ERICH3: variants seen among roughly 807,000 people sequenced by gnomAD.
ERICH3 encodes glutamate rich 3, also known as glutamate-rich protein 3.
ERICH3 carries 126 observed loss-of-function variants against 131.1 expected under a neutral mutation model. The observed-to-expected ratio is 0.96, with a 90% CI of 0.83 to 1.11. The LOEUF is 1.11. ERICH3 is among the 50% of genes most tolerant of loss of function. ERICH3 has a pLI of 0.00. For synonymous variants in ERICH3, 695 were observed against 644.6 expected (o/e 1.08, Z -1.18); for missense variants, 2,050 against 1,810.7 (o/e 1.13, Z -2.40).
At chr1:74,589,563 A>G in intron 12 of ERICH3, 68 bp downstream of exon 12, 1 of 1,436,786 alleles carries the variant, frequency 7.0e-7, no homozygotes, top group Non-Finnish European at 9.6e-7. Flanking sequence ...GCTTTGGCAT[A>G]GTGCAATGAC....
At position 74,573,460 on chromosome 1, in the gene ERICH3, T is replaced by C. The variant is rs1164338229; in HGVS notation, c.2250A>G (p.Thr750=). ...ATTCCTTGTTTGAGTTGATTGCTGC[T>C]GTTTCATCCACCATGAAATTCATTG... ...APTMNFMVDE[T]AAINSNKESQ... Residue 750 remains threonine (T), a synonymous_variant, in exon 14 of 15, where the codon ACA becomes ACG. Transcript: ENST00000326665. 5 of 1,533,580 alleles carry C rather than the reference T, an allele frequency of 3.3e-6. No homozygotes were observed. In the African/African-American group the frequency reaches 5.6e-5, roughly 17 times the overall value. The allele number at this position is 1,533,580 out of a possible 1,614,324, so 95.0% of individuals were successfully genotyped here.
chr1:74,672,675 A>G lies in ERICH3; in HGVS notation c.23+822T>C, dbSNP rs114779475. ...ATTTAATTGCAAGATTGACTAGGAT[A>G]TTTATCTTCTTACTAGATGTATCAT... is the stretch of plus-strand genomic sequence containing the variant. On this transcript the variant is annotated intron_variant, in intron 1 of 14. Coordinates refer to ENST00000326665, the MANE Select transcript of ERICH3 (RefSeq NM_001002912.5). Among the ~76,000 whole-genome samples, 360 of 152,342 alleles carry G rather than the reference A, an allele frequency of 2.4e-3. 1 individual carries two copies. The highest frequency in any genetic ancestry group is 8.0e-3 in the African/African-American group (331 of 41,576).
chr1:74,611,860 C>T (rs1208354933), intron 9 of ERICH3, among the ~76,000 whole-genome samples: 3 of 152,100 alleles, frequency 2.0e-5, no homozygotes, highest in Non-Finnish European at 4.4e-5. Flanking sequence ...TCTCCCTTAC[C>T]CTGTTTTGTG....
chr1:74,576,774 A>G (rs1647063293), intron 13 of ERICH3, 121 bp downstream of exon 13: 4 of 880,732 alleles, frequency 4.5e-6, no homozygotes, highest in Non-Finnish European at 5.3e-6. Flanking sequence ...CACTTCTTAA[A>G]AGTCATTCAA....
At chr1:74,622,340 G>A (rs1649252310) in intron 7 of ERICH3, 1 of 152,220 alleles carries the variant, frequency 6.6e-6, no homozygotes, top group African/African-American at 2.4e-5. Flanking sequence ...ACATATTACA[G>A]GGCATCAAGA....
In ERICH3 at chr1:74,571,232, G is replaced by C. The variant is rs745717377; in HGVS notation, c.4478C>G (p.Ala1493Gly). Residue 1493 changes from alanine (A) to glycine (G), a missense_variant, in exon 14 of 15, where the codon GCG becomes GGG. Transcript: ENST00000326665. ...AGGCTTCACTGGAAGTGTTGCCATC[G>C]CCTGTAGACTCTCCGGACTCAATTC... ...ERELSPESLQAMATLPVKPDF... is the reference protein window; with the variant it reads ...ERELSPESLQGMATLPVKPDF... The C allele has an allele frequency of 1.2e-6, 2 of 1,614,012 alleles. No homozygotes were observed. The highest frequency in any genetic ancestry group is 1.7e-6 in the Non-Finnish European group (2 of 1,179,998).
At chr1:74,629,796 T>C (rs995681636) in intron 7 of ERICH3, among the ~76,000 whole-genome samples, 12 of 152,186 alleles carry the variant, frequency 7.9e-5, no homozygotes, top group African/African-American at 2.9e-4. Flanking sequence ...ATAGCGTCCT[T>C]TCATTACAAT....
intron 10 of ERICH3, among the ~76,000 whole-genome samples, chr1:74,600,634 T>C (rs913283371): frequency 1.3e-5 from 2 of 152,012 alleles, no homozygotes; most frequent in African/African-American, 4.8e-5. Context: ...GCTATAAATC[T>C]GTAGCAGGAA....
chr1:74,589,592 A>C (rs1432083568), intron 12 of ERICH3, 39 bp downstream of exon 12: 2 of 1,578,580 alleles, frequency 1.3e-6, no homozygotes, highest in East Asian at 2.2e-5. Flanking sequence ...GCTTCCATGC[A>C]TGAGGATGAT....
intron 5 of ERICH3, among the ~76,000 whole-genome samples, chr1:74,638,807 G>A (rs941364474): frequency 2.6e-5 from 4 of 152,076 alleles, no homozygotes; most frequent in Non-Finnish European, 5.9e-5. Context: ...TCCAAACGGC[G>A]ATATACCATC....
Position 74,573,019 on chromosome 1 carries a change from C to A in ERICH3, c.2691G>T (p.Gln897His). The A allele has an allele frequency of 6.2e-7, 1 of 1,614,182 alleles. No individual in the cohort carries two copies. The highest frequency in any genetic ancestry group is 1.1e-5 in the South Asian group (1 of 91,088). ...ETDKAASEGE[Q>H]GLEKAVLANE... The stretch of plus-strand genomic sequence containing the variant: ...TTGCAAGCACTGCCTTCTCTAAACC[C>A]TGTTCCCCTTCAGAAGCTGCTTTGT... Residue 897 changes from glutamine (Q) to histidine (H), a missense_variant, in exon 14 of 15, where the codon CAG (glutamine) becomes CAT (histidine). By Grantham distance (24) the Gln-to-His change is conservative (BLOSUM62 0). Coordinates refer to ENST00000326665, the MANE Select transcript of ERICH3 (RefSeq NM_001002912.5).
At chr1:74,611,782 G>A (rs1648708932) in intron 9 of ERICH3, among the ~76,000 whole-genome samples, 1 of 151,928 alleles carries the variant, frequency 6.6e-6, no homozygotes. Flanking sequence ...TATCAGAGAG[G>A]CCCTTCCTAA....
intron 9 of ERICH3, among the ~76,000 whole-genome samples, chr1:74,611,566 T>C (rs1330525372): frequency 6.6e-6 from 1 of 152,182 alleles, no homozygotes; most frequent in Non-Finnish European, 1.5e-5. Context: ...GTCCTTGCAA[T>C]GACCATAGGA....
chr1:74,602,355 C>T (rs1648177447), intron 10 of ERICH3, among the ~76,000 whole-genome samples: 1 of 151,948 alleles, frequency 6.6e-6, no homozygotes, highest in Admixed American at 6.6e-5. Flanking sequence ...GTGTCATCTA[C>T]TCATGTTTTT....
intron 11 of ERICH3, among the ~76,000 whole-genome samples, chr1:74,590,304 A>G (rs1430760207): frequency 5.9e-5 from 9 of 151,842 alleles, no homozygotes; most frequent in Admixed American, 5.9e-4. Flanking sequence ...TTGAGTGGGG[A>G]TGGTTTTGGG....
At chr1:74,663,068 G>A (rs536833202) in intron 1 of ERICH3, among the ~76,000 whole-genome samples, 5 of 152,166 alleles carry the variant, frequency 3.3e-5, no homozygotes, top group East Asian at 1.9e-4. Flanking sequence ...ACTCTCTCCA[G>A]GATGCCTTCT....
intron 12 of ERICH3, among the ~76,000 whole-genome samples, chr1:74,579,146 A>G (rs1335629397): frequency 6.6e-6 from 1 of 152,196 alleles, no homozygotes; most frequent in Non-Finnish European, 1.5e-5. Flanking sequence ...TCATTTTACT[A>G]TAATAATGTG....
chr1:74,671,021 G>GAA (rs1646737551), intron 1 of ERICH3, among the ~76,000 whole-genome samples: 1 of 151,804 alleles, frequency 6.6e-6, no homozygotes, highest in Non-Finnish European at 1.5e-5. Flanking sequence ...CTAGGGTGGG[G>GAA]GAAAATCTCC....
At chr1:74,661,270 T>G (rs1339339178) in intron 1 of ERICH3, among the ~76,000 whole-genome samples, 1 of 152,158 alleles carries the variant, frequency 6.6e-6, no homozygotes, top group Non-Finnish European at 1.5e-5. Context: ...TTTCTACCAT[T>G]TGTCAATGTC....
Sources: allele counts gnomAD v4.1 joint callset (sites outside exome capture counted in the v4.1 genomes callset), GRCh38; gene constraint gnomAD v4.1.1; transcripts MANE v1.5; gene names NCBI Gene and HGNC (gene_info 2026-07-23, HGNC 2026-07-21).